Variants in SEMA4D observed in about 807,000 individuals in gnomAD.
SEMA4D encodes the protein semaphorin-4D.
SEMA4D carries 22 observed loss-of-function variants against 74.8 expected under a neutral mutation model. The observed-to-expected ratio is 0.29, with a 90% CI of 0.21 to 0.42. SEMA4D has a LOEUF of 0.42. SEMA4D is among the 10% of genes least tolerant of loss of function. The probability of loss-of-function intolerance (pLI) is 1.00; values close to 1 mark genes in which losing one functional copy is unlikely to be tolerated. For missense variants in SEMA4D, 937 were observed against 1,118.4 expected (o/e 0.84, Z 2.31); for synonymous variants, 445 against 463.7 (o/e 0.96, Z 0.52).
At chr9:89,410,249 A>ACCACACAGATAACAGTAGAAT in intron 2 of SEMA4D, among the ~76,000 whole-genome samples, 1 of 152,252 alleles carries the variant, frequency 6.6e-6, no homozygotes, top group African/African-American at 2.4e-5. Context: ...AGTAACTGCA[A>ACCACACAGATAACAGTAGAAT]CCACACAGAT....
intron 2 of SEMA4D, chr9:89,449,514 G>C (rs4242603): frequency 0.96 from 719,888 of 752,912 alleles, 345,973 homozygotes; most frequent in Non-Finnish European, 1. Context: ...GGAGGCAGAG[G>C]GGCGGCTCAG....
At chr9:89,407,143 C>G (rs879364577) in intron 2 of SEMA4D, among the ~76,000 whole-genome samples, 2 of 152,186 alleles carry the variant, frequency 1.3e-5, no homozygotes, top group African/African-American at 4.8e-5. Context: ...CCTGCACCCT[C>G]GCTAACAAAA....
intron 2 of SEMA4D, among the ~76,000 whole-genome samples, chr9:89,424,805 TC>T (rs1340962404): frequency 6.6e-6 from 1 of 151,984 alleles, no homozygotes; most frequent in Non-Finnish European, 1.5e-5. Flanking sequence ...TTCTAAGAGC[TC>T]CACCTTCTTA....
chr9:89,402,221 G>C (rs1024940254), intron 4 of SEMA4D, among the ~76,000 whole-genome samples: 1 of 152,322 alleles, frequency 6.6e-6, no homozygotes, highest in African/African-American at 2.4e-5. Flanking sequence ...CGAGGAATCA[G>C]GAGCAATGTG....
chr9:89,449,409 T>G (rs1853782235), intron 2 of SEMA4D: 1 of 528,574 alleles, frequency 1.9e-6, no homozygotes, highest in African/African-American at 1.9e-5. Context: ...TTTCAGATGC[T>G]CTTAGAAGTC....
In SEMA4D at chr9:89,475,997, C is replaced by T. The variant is rs147806062; in HGVS notation, c.-309-20044G>A. 3.0e-3 allele frequency among the ~76,000 whole-genome samples: 464 copies of T among 152,316 alleles called. 3 individuals carry two copies. Among genetic ancestry groups the T allele is most frequent in the African/African-American group, 0.011 (440 of 41,566 alleles). ...AGAGGCACCTAAGGTATTACTGATG[C>T]TTAAATATGGGGCCAGTGGTGACCG... On this transcript the variant is annotated intron_variant, in intron 1 of 15. Transcript: ENST00000422704.
chr9:89,409,712 G>A (rs535491387), intron 2 of SEMA4D, among the ~76,000 whole-genome samples: 6 of 152,108 alleles, frequency 3.9e-5, no homozygotes, highest in East Asian at 3.9e-4. Flanking sequence ...GAGCAGAGAC[G>A]CAAGACCCAC....
At chr9:89,438,363 T>C (rs1453739315) in intron 2 of SEMA4D, among the ~76,000 whole-genome samples, 1 of 152,178 alleles carries the variant, frequency 6.6e-6, no homozygotes, top group Non-Finnish European at 1.5e-5. Flanking sequence ...GTGGAGCACC[T>C]CCCATGGCAG....
At chr9:89,415,047 C>G (rs572401022) in intron 2 of SEMA4D, among the ~76,000 whole-genome samples, 2 of 152,210 alleles carry the variant, frequency 1.3e-5, no homozygotes, top group Non-Finnish European at 2.9e-5. Context: ...AGTGGCGGCA[C>G]GAACAGGGCC....
At chr9:89,473,753 G>C (rs952264043) in intron 1 of SEMA4D, among the ~76,000 whole-genome samples, 1 of 151,832 alleles carries the variant, frequency 6.6e-6, no homozygotes, top group Non-Finnish European at 1.5e-5. Context: ...TACTTGGGAG[G>C]CTGAGGCAGG....
downstream of SEMA4D, among the ~76,000 whole-genome samples, chr9:89,373,257 T>C (rs947273207): frequency 6.6e-6 from 1 of 151,948 alleles, no homozygotes. Context: ...CCACAGGCTA[T>C]GTTTTCCCCT....
downstream of SEMA4D, among the ~76,000 whole-genome samples, chr9:89,372,527 C>A (rs906685078): frequency 6.6e-6 from 1 of 151,886 alleles, no homozygotes; most frequent in Non-Finnish European, 1.5e-5. Context: ...CATCCCAGGG[C>A]CAACGCGGTG....
chr9:89,389,151 T>TGC, intron 9 of SEMA4D, 104 bp from the exon 10 acceptor site: 1 of 1,226,502 alleles, frequency 8.2e-7, no homozygotes, highest in Non-Finnish European at 1.2e-6. Context: ...AGCGCGGCTG[T>TGC]GCCTGACTGA....
At chr9:89,448,622 C>T (rs1396176614) in intron 2 of SEMA4D, among the ~76,000 whole-genome samples, 1 of 152,244 alleles carries the variant, frequency 6.6e-6, no homozygotes, top group African/African-American at 2.4e-5. Flanking sequence ...CGTAAAACCA[C>T]GAGGCCTCTG....
Position 89,379,144 on chromosome 9 carries a change from C to T in SEMA4D, c.2149G>A (p.Val717Ile), listed in dbSNP as rs776671382. The change falls in exon 16 of 16, where the codon GTC (valine) becomes ATC (isoleucine). Residue 717 changes from valine to isoleucine, a missense_variant. Coordinates refer to ENST00000422704, the MANE Select transcript of SEMA4D (RefSeq NM_001371194.2). ...GTTTTCTCCGAGTGGAGCTGGGGGACCGTGTTGATGACGATCTTTGGTTCG... is the reference window on the plus strand; with the variant it reads ...GTTTTCTCCGAGTGGAGCTGGGGGATCGTGTTGATGACGATCTTTGGTTCG... ...SCEPKIVINT[V>I]PQLHSEKTMY... 9 of 1,613,948 alleles carry T rather than the reference C, an allele frequency of 5.6e-6. No homozygotes were observed. The highest frequency in any genetic ancestry group is 7.6e-6 in the Non-Finnish European group (9 of 1,180,014).
At chr9:89,421,796 T>C (rs1587762072) in intron 2 of SEMA4D, among the ~76,000 whole-genome samples, 1 of 152,006 alleles carries the variant, frequency 6.6e-6, no homozygotes, top group Non-Finnish European at 1.5e-5. Flanking sequence ...TGACCGTGTG[T>C]GTGCGTGTGT....
chr9:89,411,775 C>T (rs896383618), intron 2 of SEMA4D, among the ~76,000 whole-genome samples: 1 of 152,226 alleles, frequency 6.6e-6, no homozygotes, highest in Non-Finnish European at 1.5e-5. Flanking sequence ...AGTGAGCTGA[C>T]TCTGTGCAGA....
intron 16 of SEMA4D, among the ~76,000 whole-genome samples, chr9:89,371,903 A>G (rs116539751): frequency 0.016 from 18 of 1,146 alleles, no homozygotes; most frequent in Admixed American, 0.071. Flanking sequence ...GGGGTGTGGT[A>G]TGTGTGTGGT....
chr9:89,493,186 C>T (rs1224014651), intron 1 of SEMA4D, among the ~76,000 whole-genome samples: 5 of 152,234 alleles, frequency 3.3e-5, no homozygotes, highest in Non-Finnish European at 5.9e-5. Context: ...AGGGACCAAA[C>T]GTGCCAGCAC....
Sources: gnomAD v4.1 joint callset for allele counts (sites outside exome capture counted in the v4.1 genomes callset) on GRCh38, gnomAD v4.1.1 for gene constraint, MANE v1.5 for transcripts, NCBI Gene and HGNC (gene_info 2026-07-23, HGNC 2026-07-21) for gene names.